RFX3: variants seen among roughly 807,000 people sequenced by gnomAD.
RFX3 encodes the protein transcription factor RFX3.
A neutral mutation model predicts 98.6 loss-of-function variants in RFX3; 14 were observed. That is an observed-to-expected ratio of 0.14 (90% CI 0.09 to 0.22). The LOEUF is 0.22. RFX3 is among the 10% of genes least tolerant of loss of function. The pLI is 1.00. For synonymous variants in RFX3, 383 were observed against 328.4 expected (o/e 1.17, Z -1.80); for missense variants, 639 against 926.9 (o/e 0.69, Z 4.03).
At chr9:3,307,364 AG>A (rs1829450709) in intron 4 of RFX3, among the ~76,000 whole-genome samples, 1 of 152,134 alleles carries the variant, frequency 6.6e-6, no homozygotes, top group Non-Finnish European at 1.5e-5. Context: ...GTCTTGAGAA[AG>A]GGAATTAATC....
intron 5 of RFX3, among the ~76,000 whole-genome samples, chr9:3,293,804 T>C (rs759509673): frequency 6.2e-4 from 95 of 152,208 alleles, no homozygotes; most frequent in Non-Finnish European, 1.2e-3. Context: ...CGACAGATTC[T>C]GAAAGCAGAA....
intron 1 of RFX3, among the ~76,000 whole-genome samples, chr9:3,494,177 C>G (rs768817421): frequency 3.7e-4 from 57 of 152,122 alleles, no homozygotes; most frequent in Admixed American, 6.6e-4. Context: ...TAAAGTGGCT[C>G]TAGAGACAGA....
At chr9:3,244,321 T>C (rs1820350833) in intron 15 of RFX3, among the ~76,000 whole-genome samples, 1 of 152,148 alleles carries the variant, frequency 6.6e-6, no homozygotes, top group African/African-American at 2.4e-5. Context: ...TTTCATCATT[T>C]GTAACACAGG....
At chr9:3,503,041 A>C (rs71508567) in intron 1 of RFX3, among the ~76,000 whole-genome samples, 2,964 of 152,326 alleles carry the variant, frequency 0.019, 29 homozygotes, top group Middle Eastern at 0.041. Context: ...AAAGTCTCTT[A>C]TACCTCACAT....
Position 3,344,442 on chromosome 9 carries a change from G to A in RFX3, c.215+2225C>T, listed in dbSNP as rs1299280257. 2.0e-5 allele frequency among the ~76,000 whole-genome samples: 3 copies of A among 152,116 alleles called. No homozygotes were observed. In the South Asian group the frequency reaches 6.2e-4, roughly 31 times the overall value. ...TGAGCATTATGTTGGTGCTCAAAAA[G>A]TTTCAGATTTGGGAGTATTTCGGAT... is the stretch of plus-strand genomic sequence containing the variant. On this transcript the variant is annotated intron_variant, in intron 3 of 16. Transcript: ENST00000617270.
At chr9:3,324,627 T>C (rs1049788166) in intron 4 of RFX3, among the ~76,000 whole-genome samples, 4 of 151,756 alleles carry the variant, frequency 2.6e-5, no homozygotes, top group Non-Finnish European at 5.9e-5. Flanking sequence ...AAATATATAT[T>C]CTGCTTGAAT....
intron 1 of RFX3, among the ~76,000 whole-genome samples, chr9:3,480,695 A>G (rs910903972): frequency 3.3e-5 from 5 of 152,298 alleles, no homozygotes; most frequent in African/African-American, 1.2e-4. Context: ...TCTTAATTAT[A>G]AGTGGAACCT....
intron 2 of RFX3, among the ~76,000 whole-genome samples, chr9:3,382,671 T>C (rs1415347998): frequency 6.6e-6 from 1 of 152,162 alleles, no homozygotes; most frequent in Non-Finnish European, 1.5e-5. Flanking sequence ...TACACACCTG[T>C]TTTAAAAATA....
intron 1 of RFX3, among the ~76,000 whole-genome samples, chr9:3,505,239 T>C (rs1816852105): frequency 1.1e-5 from 1 of 88,552 alleles, no homozygotes; most frequent in African/African-American, 5.7e-5. Flanking sequence ...TGAATATATA[T>C]TTATATATAT....
intron 2 of RFX3, among the ~76,000 whole-genome samples, chr9:3,385,810 C>A (rs1335919100): frequency 6.6e-6 from 1 of 151,936 alleles, no homozygotes; most frequent in Non-Finnish European, 1.5e-5. Flanking sequence ...ACTAGAAACT[C>A]AAATTCCAAT....
chr9:3,305,769 T>A (rs1829227560), intron 4 of RFX3, among the ~76,000 whole-genome samples: 1 of 151,990 alleles, frequency 6.6e-6, no homozygotes, highest in African/African-American at 2.4e-5. Flanking sequence ...CTAGATAAAA[T>A]GTTAGTGAAT....
chr9:3,442,600 C>T (rs1253716262), intron 1 of RFX3, among the ~76,000 whole-genome samples: 2 of 152,024 alleles, frequency 1.3e-5, no homozygotes, highest in Non-Finnish European at 1.5e-5. Context: ...AGTAATATAC[C>T]CCCTGGTTGC....
intron 1 of RFX3, among the ~76,000 whole-genome samples, chr9:3,426,478 T>C (rs1031114346): frequency 1.3e-5 from 2 of 152,102 alleles, no homozygotes; most frequent in Non-Finnish European, 1.5e-5. Flanking sequence ...TACCAGTCCA[T>C]GGACTGTTAG....
chr9:3,332,968 T>A (rs1832764549), intron 3 of RFX3, among the ~76,000 whole-genome samples: 1 of 152,164 alleles, frequency 6.6e-6, no homozygotes, highest in African/African-American at 2.4e-5. Flanking sequence ...CTCACAGGAC[T>A]GTTATGTTTT....
chr9:3,269,707 G>C (rs1253342021), intron 11 of RFX3, among the ~76,000 whole-genome samples: 5 of 152,174 alleles, frequency 3.3e-5, no homozygotes, highest in South Asian at 2.1e-4. Context: ...CTTCATAGTG[G>C]GATTACAATG....
intron 1 of RFX3, among the ~76,000 whole-genome samples, chr9:3,396,779 C>T (rs1026518111): frequency 6.6e-6 from 1 of 152,208 alleles, no homozygotes; most frequent in Non-Finnish European, 1.5e-5. Context: ...ATTTGCATTT[C>T]TCTGATCGCC....
intron 3 of RFX3, among the ~76,000 whole-genome samples, chr9:3,346,077 A>T (rs1834414944): frequency 6.6e-6 from 1 of 152,190 alleles, no homozygotes; most frequent in South Asian, 2.1e-4. Flanking sequence ...TTATAACAAC[A>T]TTCTGCATCT....
At chr9:3,435,303 C>G (rs1845023951) in intron 1 of RFX3, among the ~76,000 whole-genome samples, 1 of 152,168 alleles carries the variant, frequency 6.6e-6, no homozygotes, top group East Asian at 1.9e-4. Flanking sequence ...CTTGTGATAA[C>G]ACAGCTTAAA....
intron 1 of RFX3, among the ~76,000 whole-genome samples, chr9:3,398,114 G>A (rs887090931): frequency 6.6e-6 from 1 of 152,066 alleles, no homozygotes; most frequent in Admixed American, 6.6e-5. Flanking sequence ...TTATTTAAAT[G>A]TAGTACTGAT....
Sources: gnomAD v4.1 joint callset for allele counts (sites outside exome capture counted in the v4.1 genomes callset) on GRCh38, gnomAD v4.1.1 for gene constraint, MANE v1.5 for transcripts, NCBI Gene and HGNC (gene_info 2026-07-23, HGNC 2026-07-21) for gene names.